Variants in ELMOD3 observed in about 807,000 individuals in gnomAD.
The protein encoded by ELMOD3 is ELMO domain containing 3, also known as ELMO domain-containing protein 3.
In ELMOD3, 36 loss-of-function variants were observed where a neutral mutation model predicts 47.4. That is an observed-to-expected ratio of 0.76 (90% CI 0.58 to 1.00). The LOEUF is 1.00. Among genes scored for constraint, ELMOD3 ranks in the 50% least tolerant of loss-of-function variants. The pLI, the probability that ELMOD3 is intolerant of heterozygous loss-of-function variation, is 0.00. For missense variants in ELMOD3, 404 were observed against 463.8 expected (o/e 0.87, Z 1.18); for synonymous variants, 149 against 183.5 (o/e 0.81, Z 1.52).
chr2:85,374,656 T>C (rs1685041147), intron 10 of ELMOD3, among the ~76,000 whole-genome samples: 1 of 152,034 alleles, frequency 6.6e-6, no homozygotes, highest in Non-Finnish European at 1.5e-5. Context: ...AAAAAAACTT[T>C]TGTTTAGTAG....
intron 6 of ELMOD3, among the ~76,000 whole-genome samples, chr2:85,364,913 C>T (rs1184752013): frequency 7.1e-6 from 1 of 141,828 alleles, no homozygotes; most frequent in African/African-American, 2.6e-5. Flanking sequence ...TTGTAGCTCA[C>T]TCCAGCCTTG....
chr2:85,378,740 T>A (rs1042522715), intron 11 of ELMOD3, among the ~76,000 whole-genome samples: 1 of 152,218 alleles, frequency 6.6e-6, no homozygotes, highest in African/African-American at 2.4e-5. Flanking sequence ...GCCCAAGATA[T>A]TTTCCTTTCA....
intron 11 of ELMOD3, among the ~76,000 whole-genome samples, chr2:85,388,679 T>A (rs1240412616): frequency 1.3e-5 from 2 of 152,180 alleles, no homozygotes. Flanking sequence ...ATATTGGAAA[T>A]GCACCATCCA....
rs1485427404 is a variant in ELMOD3, at chr2:85,376,842, C to G, written c.608-502C>G. 1 of 152,208 alleles carries G rather than the reference C, an allele frequency of 6.6e-6. No homozygotes were observed. The highest frequency in any genetic ancestry group is 1.5e-5 in the Non-Finnish European group (1 of 68,064). The allele number at this position is 152,208 out of a possible 1,614,324, so 9.4% of individuals were successfully genotyped here. The stretch of plus-strand genomic sequence containing the variant: ...TGGCATTTCTGGGTTGCTGTCTTCT[C>G]CATCTGGGATATATTAGGCAAAAAG... On this transcript the variant is annotated intron_variant, in intron 10 of 13. Transcript: ENST00000409013. This position sits in a 1 kb window ranked among gnomAD's most constrained non-coding sequence, Gnocchi z 4.2.
At chr2:85,380,566 G>T (rs999550869) in intron 11 of ELMOD3, among the ~76,000 whole-genome samples, 1 of 137,664 alleles carries the variant, frequency 7.3e-6, no homozygotes, top group Non-Finnish European at 1.7e-5. Flanking sequence ...GCTCTGTCGC[G>T]CAGGGTGAAG....
At chr2:85,367,851 T>C (rs1377829464) in intron 6 of ELMOD3, among the ~76,000 whole-genome samples, 1 of 152,172 alleles carries the variant, frequency 6.6e-6, no homozygotes. Flanking sequence ...ATGGGTTTTA[T>C]CTTGAGGACT....
intron 4 of ELMOD3, 146 bp from the exon 5 acceptor site, chr2:85,362,040 C>T (rs1684009037): frequency 5.0e-6 from 3 of 605,316 alleles, no homozygotes; most frequent in South Asian, 2.1e-5. Context: ...TACAACAAAC[C>T]CCTGTGACCC....
chr2:85,368,347 G>C, intron 6 of ELMOD3: 1 of 241,518 alleles, frequency 4.1e-6, no homozygotes, highest in Non-Finnish European at 8.2e-6. Flanking sequence ...AGGATTGCTT[G>C]AGTCCAGGAA....
intron 4 of ELMOD3, among the ~76,000 whole-genome samples, chr2:85,360,472 G>A (rs1683880840): frequency 6.6e-6 from 1 of 151,558 alleles, no homozygotes; most frequent in Non-Finnish European, 1.5e-5. Flanking sequence ...TCGTGCCTCA[G>A]CCACCTGAGT....
intron 11 of ELMOD3, among the ~76,000 whole-genome samples, chr2:85,386,381 C>CTTTTTT (rs570387148): frequency 8.0e-5 from 5 of 62,456 alleles, no homozygotes; most frequent in African/African-American, 2.0e-4. Flanking sequence ...GATACGTAGG[C>CTTTTTT]TTTTTTTTTT....
At chr2:85,364,659 A>G (rs1174549105) in intron 6 of ELMOD3, among the ~76,000 whole-genome samples, 1 of 151,656 alleles carries the variant, frequency 6.6e-6, no homozygotes, top group Non-Finnish European at 1.5e-5. Context: ...GTATCTGGGA[A>G]TATAAGTGTG....
intron 11 of ELMOD3, among the ~76,000 whole-genome samples, chr2:85,382,641 G>C (rs1685649224): frequency 6.6e-6 from 1 of 151,200 alleles, no homozygotes. Flanking sequence ...TCAGCCTCCC[G>C]AGTAGCTGGG....
chr2:85,369,489 C>T (rs545915575), intron 7 of ELMOD3, among the ~76,000 whole-genome samples: 3 of 152,284 alleles, frequency 2.0e-5, no homozygotes, highest in Non-Finnish European at 2.9e-5. Flanking sequence ...GGGATCACCT[C>T]GTGGGGCAGA....
At chr2:85,382,520 A>ATTTTTTTTTT (rs1430838085) in intron 11 of ELMOD3, among the ~76,000 whole-genome samples, 2 of 82,890 alleles carry the variant, frequency 2.4e-5, no homozygotes, top group African/African-American at 5.6e-5. Flanking sequence ...TGTCACAAGG[A>ATTTTTTTTTT]CTTTTTTTTT....
Position 85,390,765 on chromosome 2 carries a change from G to C in ELMOD3, c.949G>C (p.Glu317Gln). The C allele has an allele frequency of 6.4e-7, 1 of 1,550,920 alleles. No homozygotes were observed. The highest frequency in any genetic ancestry group is 1.2e-5 in the South Asian group (1 of 84,022). ...SDSGFVLKEL[E>Q]VLAKKSPRRL... ...CCCAATTCTCTCTGTTGCAGAGTTG[G>C]AAGTATTGGCCAAGAAGAGCCCACG... Residue 317 changes from glutamate to glutamine, a missense_variant, in exon 14 of 14, where the codon GAA becomes CAA. Glu to Gln is a conservative substitution (Grantham distance 29). Coordinates refer to ENST00000409013, the MANE Select transcript of ELMOD3 (RefSeq NM_001135022.2).
intron 11 of ELMOD3, among the ~76,000 whole-genome samples, chr2:85,385,324 C>T (rs539123512): frequency 1.8e-4 from 28 of 152,282 alleles, no homozygotes; most frequent in Non-Finnish European, 3.2e-4. Flanking sequence ...GTTTATTTCA[C>T]CTGGGTGCAG....
chr2:85,367,413 G>T (rs1283704804), intron 6 of ELMOD3, among the ~76,000 whole-genome samples: 2 of 152,202 alleles, frequency 1.3e-5, no homozygotes, highest in East Asian at 3.8e-4. Flanking sequence ...CTGTGAAAAG[G>T]CACCAAGGGT....
At position 85,371,186 on chromosome 2, in the gene ELMOD3, A is replaced by C. The variant is rs369816241; in HGVS notation, c.461A>C (p.Asp154Ala). 62 of 1,614,110 alleles carry C rather than the reference A, an allele frequency of 3.8e-5. No individual in the cohort carries two copies. Among genetic ancestry groups the C allele is most frequent in the Non-Finnish European group, 4.7e-5 (56 of 1,180,048 alleles). The change falls in exon 9 of 14, where the codon GAC becomes GCC. Residue 154 changes from aspartate (D) to alanine (A), a missense_variant. Physicochemically the swap from Asp to Ala is moderately radical, Grantham distance 126. Coordinates refer to ENST00000409013, the MANE Select transcript of ELMOD3 (RefSeq NM_001135022.2). Reference protein sequence around the residue: ...KLHQRLREERDLVLTIAQCGL... With the variant: ...KLHQRLREERALVLTIAQCGL... ...CACCAGCGCCTTCGGGAAGAAAGGG[A>C]CTTGGTCCTGACCATTGCTCAGTGT... is the stretch of plus-strand genomic sequence containing the variant.
intron 11 of ELMOD3, among the ~76,000 whole-genome samples, chr2:85,382,953 A>C (rs55863621): frequency 0.057 from 7,627 of 134,106 alleles, 231 homozygotes; most frequent in Non-Finnish European, 0.072. Flanking sequence ...AAAAAAAAAA[A>C]ACAAAAAAAA....
Sources: allele counts gnomAD v4.1 joint callset (sites outside exome capture counted in the v4.1 genomes callset), GRCh38; gene constraint gnomAD v4.1.1; non-coding constraint Gnocchi (gnomAD v3.1); transcripts MANE v1.5; gene names NCBI Gene and HGNC (gene_info 2026-07-23, HGNC 2026-07-21).